Variants in TINF2 observed in about 807,000 individuals in gnomAD.
TINF2 encodes TERF1 interacting nuclear factor 2.
A neutral mutation model predicts 50.4 loss-of-function variants in TINF2; 27 were observed. The ratio of observed to expected loss-of-function variants is 0.54; its 90% confidence interval spans 0.40 to 0.74. The LOEUF is 0.74. TINF2 is among the 30% of genes least tolerant of loss of function. The pLI, the probability that TINF2 is intolerant of heterozygous loss-of-function variation, is 0.00. For synonymous variants in TINF2, 223 were observed against 214.6 expected (o/e 1.04, Z -0.34); for missense variants, 496 against 551.5 (o/e 0.90, Z 1.01).
Position 24,242,339 on chromosome 14 carries a change from C to T in TINF2, c.-7G>A. 1 of 1,610,340 alleles carries T rather than the reference C, an allele frequency of 6.2e-7. No individual in the cohort carries two copies. The highest frequency in any genetic ancestry group is 1.3e-5 in the African/African-American group (1 of 74,912). ...CCACCAGGGGCGTAGCCATGGTCGG[C>T]GGGCTCCGCCCGGAGGCGGTCCCTC... On this transcript the variant is annotated 5_prime_UTR_variant, in exon 1 of 9. Coordinates refer to ENST00000267415, the MANE Select transcript of TINF2 (RefSeq NM_001099274.3).
chr14:24,242,162 A>T lies in TINF2; in HGVS notation c.171T>A (p.Leu57=), dbSNP rs1343923165. ...GLVRYRHHER[L]CMGLKAKVVV... is the part of the protein sequence containing the mutation. ...ATACCTTGGCCTTTAGGCCCATACA[A>T]AGGCGTTCGTGGTGCCGGTAGCGAA... Residue 57 remains leucine (L), a synonymous_variant, in exon 1 of 9, where the codon CTT becomes CTA. Coordinates refer to ENST00000267415, the MANE Select transcript of TINF2 (RefSeq NM_001099274.3). The T allele has an allele frequency of 6.2e-7, 1 of 1,614,218 alleles. No individual in the cohort carries two copies.
At chr14:24,240,371 G>C (rs750653525) in intron 6 of TINF2, 41 bp from the exon 7 acceptor site, 1 of 1,613,914 alleles carries the variant, frequency 6.2e-7, no homozygotes, top group African/African-American at 1.3e-5. Context: ...TGAAGGGAAG[G>C]CAGGCAAAGA....
rs780316633 is a variant in TINF2, at chr14:24,242,347, GCCCGGAGGCGGTCCCTCCGGGTTCCTCA to G, written c.-43_-16del. The G allele has an allele frequency of 6.8e-6, 11 of 1,608,352 alleles. No homozygotes were observed. Among genetic ancestry groups the G allele is most frequent in the Non-Finnish European group, 9.3e-6 (11 of 1,178,034 alleles). ...GGCGTAGCCATGGTCGGCGGGCTCC[GCCCGGAGGCGGTCCCTCCGGGTTCCTCA>G]CCCGGATGGGTGAGGCTTTCCGATC... On this transcript the variant is annotated 5_prime_UTR_variant, in exon 1 of 9. Coordinates refer to ENST00000267415, the MANE Select transcript of TINF2 (RefSeq NM_001099274.3).
At chr14:24,241,550 G>A in intron 3 of TINF2, 125 bp downstream of exon 3, 1 of 875,130 alleles carries the variant, frequency 1.1e-6, no homozygotes, top group Non-Finnish European at 1.8e-6. Flanking sequence ...CCGGGAGGCA[G>A]AGGTTGCAGT....
chr14:24,242,580 C>A lies in TINF2; in HGVS notation c.-248G>T. On this transcript the variant is annotated 5_prime_UTR_variant, in exon 1 of 9. Coordinates refer to ENST00000267415, the MANE Select transcript of TINF2 (RefSeq NM_001099274.3). ...GACCGTCTCCAGTGGCACTGGGTCG[C>A]TCAGCTTTAAACGTCGCCGCTGTCT... is the stretch of plus-strand genomic sequence containing the variant. 3.6e-6 allele frequency: 5 copies of A among 1,374,214 alleles called. No homozygotes were observed. Among genetic ancestry groups the A allele is most frequent in the Non-Finnish European group, 4.7e-6 (5 of 1,064,548 alleles). 85.1% of individuals were successfully genotyped at this position (1,374,214 alleles called of 1,614,324 possible). A position where few individuals can be genotyped will look rare whatever the true frequency, so the allele number is the denominator to read the frequency against.
At position 24,241,367 on chromosome 14, in the gene TINF2, C is replaced by T. The variant is rs150770946; in HGVS notation, c.400-56G>A. 3.8e-6 allele frequency: 6 copies of T among 1,565,864 alleles called. No homozygotes were observed. In the South Asian group the frequency reaches 5.6e-5, roughly 14 times the overall value. On this transcript the variant is annotated intron_variant, in intron 3 of 8. Transcript: ENST00000267415. The stretch of plus-strand genomic sequence containing the variant: ...GTTAGTGGCCAGGCACGGTGGCTCA[C>T]GCCTGTAATCCTGGCCATTTGGGAG...
At position 24,240,449 on chromosome 14, in the gene TINF2, G is replaced by C. The variant is rs774222737; in HGVS notation, c.1031C>G (p.Pro344Arg). The change falls in exon 6 of 9, where the codon CCA becomes CGA. Residue 344 changes from proline to arginine, a missense_variant. Transcript: ENST00000267415. ...TTGCTCTGTGGCAGGCAAGTCAACT[G>C]GGTTCTCCTTCAGAGCCCTTCCCCC... ...TLGGRALKENPVDLPATEQKE... is the reference protein window; with the variant it reads ...TLGGRALKENRVDLPATEQKE... 2 of 1,614,138 alleles carry C rather than the reference G, an allele frequency of 1.2e-6. No individual in the cohort carries two copies. The highest frequency in any genetic ancestry group is 2.2e-5 in the South Asian group (2 of 91,080).
chr14:24,239,816 T>A lies in TINF2; in HGVS notation c.1337A>T (p.Asp446Val), dbSNP rs532096263. Reference protein sequence around the residue: ...AIPVSSCDCRDSSRPL With the variant: ...AIPVSSCDCRVSSRPL Reference sequence around the variant, plus strand: ...GTTCTATCACAAAGGTCTAGAACTGTCTCTACAGTCACAGGAAGAAACAGG... The same window carrying A: ...GTTCTATCACAAAGGTCTAGAACTGACTCTACAGTCACAGGAAGAAACAGG... Residue 446 changes from aspartate to valine, a missense_variant, in exon 9 of 9, where the codon GAC becomes GTC. Coordinates refer to ENST00000267415, the MANE Select transcript of TINF2 (RefSeq NM_001099274.3). 2 of 1,614,176 alleles carry A rather than the reference T, an allele frequency of 1.2e-6. No individual in the cohort carries two copies. The highest frequency in any genetic ancestry group is 4.5e-5 in the East Asian group (2 of 44,888).
chr14:24,239,838 C>T lies in TINF2; in HGVS notation c.1315G>A (p.Val439Ile). ...LPPSGHGAIP[V>I]SSCDCRDSSR... ...CTGTCTCTACAGTCACAGGAAGAAA[C>T]AGGTATGGCACCGTGGCCAGAAGGG... The change falls in exon 9 of 9, where the codon GTT becomes ATT. Residue 439 changes from valine to isoleucine, a missense_variant. Physicochemically the swap from Val to Ile is conservative, Grantham distance 29 (BLOSUM62 3). This residue lies in a region of TINF2 where 179 missense variants were observed against 188.3 expected (regional missense o/e 0.95). Coordinates refer to ENST00000267415, the MANE Select transcript of TINF2 (RefSeq NM_001099274.3). 4.3e-6 allele frequency: 7 copies of T among 1,614,162 alleles called. No individual in the cohort carries two copies. The highest frequency in any genetic ancestry group is 5.9e-6 in the Non-Finnish European group (7 of 1,180,024).
chr14:24,240,474 C>G lies in TINF2; in HGVS notation c.1006G>C (p.Gly336Arg), dbSNP rs1419627360. ...GGGTTCTCCTTCAGAGCCCTTCCCCCCAGGGTCTGGCATGGACTCTTAGAC... is the reference window on the plus strand; with the variant it reads ...GGGTTCTCCTTCAGAGCCCTTCCCCGCAGGGTCTGGCATGGACTCTTAGAC... The part of the protein sequence containing the change: ...GKSKSPCQTL[G>R]GRALKENPVD... Residue 336 changes from glycine to arginine, a missense_variant, in exon 6 of 9, where the codon GGG becomes CGG. Around this residue, in one of 3 missense-constraint regions of TINF2, gnomAD observed 179 missense variants for 188.3 expected, o/e 0.95. Transcript: ENST00000267415. The G allele has an allele frequency of 3.1e-6, 5 of 1,614,080 alleles. No individual in the cohort carries two copies. Among genetic ancestry groups the G allele is most frequent in the African/African-American group, 1.3e-5 (1 of 74,924 alleles).
chr14:24,242,488 T>C lies in TINF2; in HGVS notation c.-156A>G. ...CGCGATCTGACTCGGCTCCCTTCCA[T>C]CGGCCCCCAGAATTCTGGGGGAGGG... is the stretch of plus-strand genomic sequence containing the variant. On this transcript the variant is annotated 5_prime_UTR_variant, in exon 1 of 9. It removes an upstream start codon present in the reference 5' UTR. Transcript: ENST00000267415. 7.0e-7 allele frequency: 1 copy of C among 1,432,720 alleles called. No individual in the cohort carries two copies. The highest frequency in any genetic ancestry group is 1.4e-5 in the African/African-American group (1 of 69,594). The allele number at this position is 1,432,720 out of a possible 1,614,324, so 88.8% of individuals were successfully genotyped here.
rs2040595334 is a variant in TINF2 at position 24,242,179 on chromosome 14, G to A, written c.154C>T (p.Arg52Trp). 2 of 1,614,120 alleles carry A rather than the reference G, an allele frequency of 1.2e-6. No individual in the cohort carries two copies. The highest frequency in any genetic ancestry group is 1.7e-6 in the Non-Finnish European group (2 of 1,180,050). Residue 52 changes from arginine to tryptophan, a missense_variant, in exon 1 of 9, where the codon CGG becomes TGG. Physicochemically the swap from Arg to Trp is moderately radical, Grantham distance 101. This residue lies in a region of TINF2 where 314 missense variants were observed against 343.8 expected (regional missense o/e 0.91). Transcript: ENST00000267415. ...CCCATACAAAGGCGTTCGTGGTGCC[G>A]GTAGCGAACCAAGCCAGGGGCAACA... ...RAVAPGLVRY[R>W]HHERLCMGLK...
chr14:24,241,500 C>G, intron 3 of TINF2, 175 bp downstream of exon 3: 1 of 799,978 alleles, frequency 1.3e-6, no homozygotes, highest in Non-Finnish European at 2.1e-6. Flanking sequence ...ATTTGTAATC[C>G]CAGCTACTCG....
chr14:24,242,657 GGAAAA>G (rs2040606849), upstream of TINF2: 4 of 1,178,990 alleles, frequency 3.4e-6, no homozygotes, highest in Non-Finnish European at 3.2e-6. Context: ...CCCTTGCCCC[GGAAAA>G]GGGCGGTAAG....
chr14:24,241,672 C>T lies in TINF2; in HGVS notation c.399+3G>A, dbSNP rs1295087119. 1.9e-6 allele frequency: 3 copies of T among 1,607,836 alleles called. No homozygotes were observed. In the African/African-American group the frequency reaches 4.0e-5, roughly 21 times the overall value. ...CACATAATAGCCTTCAAACCAGTCT[C>T]ACCTGCAGCTTCGAGGCCAAATCCA... On this transcript the variant is annotated splice_donor_region_variant and intron_variant, in intron 3 of 8. Transcript: ENST00000267415.
At chr14:24,240,954 GAACTATTCCAGTGGACT>G in intron 5 of TINF2, 49 bp downstream of exon 5, 1 of 1,613,814 alleles carries the variant, frequency 6.2e-7, no homozygotes, top group Non-Finnish European at 8.5e-7. Flanking sequence ...GGAGCCCATG[GAACTATTCCAGTGGACT>G]GCCTCAAAAG....
intron 3 of TINF2, 59 bp downstream of exon 3, chr14:24,241,616 A>G (rs1156334055): frequency 7.4e-7 from 1 of 1,360,498 alleles, no homozygotes; most frequent in Admixed American, 2.1e-5. Context: ...GATTCCTCAA[A>G]AAAAAAAAAA....
Position 24,239,903 on chromosome 14 carries a change from T to G in TINF2, c.1250A>C (p.Lys417Thr), listed in dbSNP as rs1352189057. Residue 417 changes from lysine to threonine, a missense_variant, in exon 9 of 9, where the codon AAG becomes ACG. This residue lies in a region of TINF2 where 179 missense variants were observed against 188.3 expected (regional missense o/e 0.95). Coordinates refer to ENST00000267415, the MANE Select transcript of TINF2 (RefSeq NM_001099274.3). ...GAGAGTGGGTATCAAGGTGTCAAAC[T>G]TTGTCTTCTGATAGTTTTCCAGAGA... ...KESLENYQKT[K>T]FDTLIPTLCE... The G allele has an allele frequency of 1.9e-6, 3 of 1,614,138 alleles. No individual in the cohort carries two copies. The highest frequency in any genetic ancestry group is 2.5e-6 in the Non-Finnish European group (3 of 1,180,018).
rs775075453 is a variant in TINF2 at position 24,240,556 on chromosome 14, T to C, written c.924A>G (p.Glu308=). The part of the protein sequence containing the change: ...QVISKPESKE[E]HAIYTADLAM... The stretch of plus-strand genomic sequence containing the variant: ...CTAGGTCTGCTGTGTATATCGCATG[T>C]TCTTCCTTGCTCTCAGGCTTAGATA... The change falls in exon 6 of 9, where the codon GAA becomes GAG. Residue 308 remains glutamate, a synonymous_variant. Coordinates refer to ENST00000267415, the MANE Select transcript of TINF2 (RefSeq NM_001099274.3). 6.2e-7 allele frequency: 1 copy of C among 1,614,220 alleles called. No homozygotes were observed. The highest frequency in any genetic ancestry group is 8.5e-7 in the Non-Finnish European group (1 of 1,180,038).
Sources: allele counts gnomAD v4.1 joint callset, GRCh38; gene constraint gnomAD v4.1.1; regional missense constraint gnomAD v4.1.1; transcripts MANE v1.5; gene names NCBI Gene and HGNC (gene_info 2026-07-23, HGNC 2026-07-21).